Variants in AGPAT3 observed in about 807,000 individuals in gnomAD.
AGPAT3 encodes 1-acylglycerol-3-phosphate O-acyltransferase 3.
In AGPAT3, 5 loss-of-function variants were observed where a neutral mutation model predicts 47.3. The ratio of observed to expected loss-of-function variants is 0.11; its 90% confidence interval spans 0.06 to 0.22. The LOEUF is 0.22. AGPAT3 is among the 10% of genes least tolerant of loss of function. The pLI is 1.00. For missense variants in AGPAT3, 315 were observed against 493.0 expected (o/e 0.64, Z 3.42); for synonymous variants, 212 against 208.3 (o/e 1.02, Z -0.15).
rs2087322010 is a variant in AGPAT3 at position 43,933,328 on chromosome 21, CT to C, written c.-48-26304del. 1.3e-5 allele frequency among the ~76,000 whole-genome samples: 2 copies of C among 152,184 alleles called. No individual in the cohort carries two copies. Among genetic ancestry groups the C allele is most frequent in the Non-Finnish European group, 2.9e-5 (2 of 68,038 alleles). On this transcript the variant is annotated intron_variant, in intron 2 of 9. Transcript: ENST00000291572. This position sits in a 1 kb window ranked among gnomAD's most constrained non-coding sequence, Gnocchi z 6.0. ...ATGTGGTCTGCAGGGTTTTCTCTCC[CT>C]TGCGGGTCGTCTCTTTACCCTGTCG...
At chr21:43,883,874 G>A (rs1404841289) in intron 1 of AGPAT3, among the ~76,000 whole-genome samples, 1 of 152,208 alleles carries the variant, frequency 6.6e-6, no homozygotes, top group African/African-American at 2.4e-5. Flanking sequence ...GATTACAGGT[G>A]AGAGCCACTG....
chr21:43,876,921 C>T (rs758125587), intron 1 of AGPAT3, among the ~76,000 whole-genome samples: 4 of 152,048 alleles, frequency 2.6e-5, no homozygotes, highest in Non-Finnish European at 5.9e-5. Flanking sequence ...TGCAGTGGTA[C>T]GATCTTGGCT....
chr21:43,936,408 C>T (rs553462107), intron 2 of AGPAT3, among the ~76,000 whole-genome samples: 62 of 152,366 alleles, frequency 4.1e-4, no homozygotes, highest in Middle Eastern at 3.4e-3. Context: ...TGCTGTCCTC[C>T]GTGGGGCCAG....
rs187140350 is a variant in AGPAT3, at chr21:43,909,208, C to T, written c.-49+5189C>T. Among the ~76,000 whole-genome samples, 19 of 152,306 alleles carry T rather than the reference C, an allele frequency of 1.2e-4. No homozygotes were observed. In the East Asian group the frequency reaches 1.7e-3, roughly 14 times the overall value. ...CTGACATCACTTGGTGTGGCTTCCT[C>T]GGAAGCTACAGGCCCCTCGGTCCAT... On this transcript the variant is annotated intron_variant, in intron 2 of 9. Transcript: ENST00000291572.
At chr21:43,877,116 C>T (rs939426945) in intron 1 of AGPAT3, among the ~76,000 whole-genome samples, 2 of 152,116 alleles carry the variant, frequency 1.3e-5, no homozygotes, top group African/African-American at 2.4e-5. Context: ...GCCTTGGCCT[C>T]CCGAAGTGCT....
chr21:43,932,993 G>C lies in AGPAT3; in HGVS notation c.-48-26641G>C, dbSNP rs921331681. Among the ~76,000 whole-genome samples the C allele has an allele frequency of 6.6e-6, 1 of 152,168 alleles. No homozygotes were observed. The highest frequency in any genetic ancestry group is 1.5e-5 in the Non-Finnish European group (1 of 68,034). On this transcript the variant is annotated intron_variant, in intron 2 of 9. Coordinates refer to ENST00000291572, the MANE Select transcript of AGPAT3 (RefSeq NM_020132.5). This position sits in a 1 kb window ranked among gnomAD's most constrained non-coding sequence, Gnocchi z 5.2. ...TTTTGGAGGCACCTCCAGATGGTTT[G>C]TGTAGTGGCCACACTGATTGACGCT... is the stretch of plus-strand genomic sequence containing the variant.
At position 43,967,990 on chromosome 21, in the gene AGPAT3, C is replaced by T. The variant is rs779644216; in HGVS notation, c.223C>T (p.Leu75=). 2.2e-5 allele frequency: 36 copies of T among 1,614,056 alleles called. No homozygotes were observed. The highest frequency in any genetic ancestry group is 3.1e-5 in the Non-Finnish European group (36 of 1,180,020). Residue 75 remains leucine, a synonymous_variant, in exon 4 of 10, where the codon CTG becomes TTG. Transcript: ENST00000291572. ...GTGGTGGTCCTGCACGGAGTGTACA[C>T]TGTTCACGGACCAGGCCACGGTAGA... ...LEWWSCTECT[L]FTDQATVERF...
intron 1 of AGPAT3, among the ~76,000 whole-genome samples, chr21:43,886,444 G>A (rs1311818666): frequency 1.3e-5 from 2 of 151,928 alleles, no homozygotes; most frequent in South Asian, 4.2e-4. Flanking sequence ...AGTAAAGATG[G>A]TTTCACCCTG....
chr21:43,951,330 C>A (rs1273895204), intron 2 of AGPAT3, among the ~76,000 whole-genome samples: 2 of 152,186 alleles, frequency 1.3e-5, no homozygotes, highest in African/African-American at 4.8e-5. Context: ...TATCTTTATC[C>A]CACAACTCAA....
intron 2 of AGPAT3, among the ~76,000 whole-genome samples, chr21:43,938,854 G>A (rs974132906): frequency 6.6e-6 from 1 of 152,220 alleles, no homozygotes; most frequent in Non-Finnish European, 1.5e-5. Context: ...GGGTCAATGT[G>A]TTGGCCGGGG....
chr21:43,897,606 C>A (rs2086253955), intron 1 of AGPAT3, among the ~76,000 whole-genome samples: 1 of 150,888 alleles, frequency 6.6e-6, no homozygotes, highest in African/African-American at 2.4e-5. Flanking sequence ...GGCAGAGGGG[C>A]TCCTCACCTC....
At chr21:43,975,724 T>G (rs1016841096) in intron 7 of AGPAT3, among the ~76,000 whole-genome samples, 16 of 151,932 alleles carry the variant, frequency 1.1e-4, no homozygotes, top group South Asian at 2.1e-4. Flanking sequence ...TAATTTTGGG[T>G]TTTTTTTGTT....
intron 4 of AGPAT3, 55 bp downstream of exon 4, chr21:43,968,170 CG>C: frequency 4.8e-6 from 4 of 832,298 alleles, no homozygotes; most frequent in South Asian, 2.4e-5. Context: ...CGGGGAGGGC[CG>C]GGGGTGAGCG....
chr21:43,924,664 G>T (rs1350055443), intron 2 of AGPAT3, among the ~76,000 whole-genome samples: 1 of 152,218 alleles, frequency 6.6e-6, no homozygotes, highest in Non-Finnish European at 1.5e-5. Flanking sequence ...CCTAGCTGTG[G>T]CTCGCTGGTC....
chr21:43,867,339 A>G (rs1451633406), intron 1 of AGPAT3: 1 of 152,250 alleles, frequency 6.6e-6, no homozygotes, highest in Non-Finnish European at 1.5e-5. Flanking sequence ...TCCCTGGTCA[A>G]ATCAGAGGTA....
At chr21:43,915,779 T>G (rs897028739) in intron 2 of AGPAT3, among the ~76,000 whole-genome samples, 1 of 152,170 alleles carries the variant, frequency 6.6e-6, no homozygotes, top group Non-Finnish European at 1.5e-5. Flanking sequence ...AAAATTTCAA[T>G]TTAGCTATTA....
At chr21:43,886,950 G>A (rs1478846731) in intron 1 of AGPAT3, among the ~76,000 whole-genome samples, 1 of 152,130 alleles carries the variant, frequency 6.6e-6, no homozygotes, top group Non-Finnish European at 1.5e-5. Context: ...TTTCTTTTGG[G>A]TATATACCTA....
intron 2 of AGPAT3, among the ~76,000 whole-genome samples, chr21:43,943,160 C>T (rs1179266675): frequency 3.3e-5 from 5 of 152,112 alleles, no homozygotes; most frequent in Non-Finnish European, 5.9e-5. Flanking sequence ...CTGCAAGCTC[C>T]GTCTCCCAGG....
chr21:43,869,961 C>T (rs550633580), intron 1 of AGPAT3, among the ~76,000 whole-genome samples: 1 of 152,378 alleles, frequency 6.6e-6, no homozygotes, highest in African/African-American at 2.4e-5. Flanking sequence ...CCACCTTGGC[C>T]TCCCCAGTAA....
Sources: gnomAD v4.1 joint callset for allele counts (sites outside exome capture counted in the v4.1 genomes callset) on GRCh38, gnomAD v4.1.1 for gene constraint, Gnocchi (gnomAD v3.1) non-coding constraint, MANE v1.5 for transcripts, NCBI Gene and HGNC (gene_info 2026-07-23, HGNC 2026-07-21) for gene names.